The following AKT3 variants were observed in gnomAD, a reference collection of about 807,000 sequenced individuals.
The protein encoded by AKT3 is RAC-gamma serine/threonine-protein kinase.
Under a neutral mutation model 65.3 loss-of-function variants are expected in AKT3, and 15 were observed. The ratio of observed to expected loss-of-function variants is 0.23; its 90% CI spans 0.15 to 0.35. AKT3 has a LOEUF of 0.35. Among genes scored for constraint, AKT3 ranks in the 10% least tolerant of loss-of-function variants. The pLI, the probability that AKT3 is intolerant of heterozygous loss-of-function variation, is 1.00. For missense variants in AKT3, 243 were observed against 576.5 expected (o/e 0.42, Z 5.92); for synonymous variants, 206 against 183.8 (o/e 1.12, Z -0.98).
intron 2 of AKT3, among the ~76,000 whole-genome samples, chr1:243,718,023 AAG>A (rs1177458743): frequency 6.6e-6 from 1 of 152,238 alleles, no homozygotes; most frequent in African/African-American, 2.4e-5. Flanking sequence ...GTATGCAAAT[AAG>A]AGTAAGGTCA....
At chr1:243,763,342 A>G (rs1032491518) in intron 2 of AKT3, among the ~76,000 whole-genome samples, 3 of 152,106 alleles carry the variant, frequency 2.0e-5, no homozygotes, top group Non-Finnish European at 4.4e-5. Context: ...TTAAAATCCT[A>G]TCATAACTAT....
At chr1:243,767,603 C>T (rs114700727) in intron 2 of AKT3, among the ~76,000 whole-genome samples, 6 of 151,780 alleles carry the variant, frequency 4.0e-5, no homozygotes, top group African/African-American at 1.2e-4. Flanking sequence ...TAAAAAAATA[C>T]CCAATAGTAT....
chr1:243,728,039 A>G (rs1687321382), intron 2 of AKT3, among the ~76,000 whole-genome samples: 1 of 152,196 alleles, frequency 6.6e-6, no homozygotes, highest in South Asian at 2.1e-4. Context: ...ACCACATACA[A>G]CTTGAAGACT....
chr1:243,776,876 A>G (rs532723542), intron 2 of AKT3, among the ~76,000 whole-genome samples: 19 of 152,362 alleles, frequency 1.2e-4, no homozygotes, highest in Admixed American at 3.3e-4. Context: ...ATATCTAATA[A>G]TAATCAAGTA....
chr1:243,559,596 C>G (rs1349076979), intron 10 of AKT3, among the ~76,000 whole-genome samples: 1 of 152,126 alleles, frequency 6.6e-6, no homozygotes, highest in African/African-American at 2.4e-5. Flanking sequence ...TGGCTTTAAA[C>G]TGATTTCTAA....
chr1:243,672,232 C>T (rs1306243462), intron 3 of AKT3, among the ~76,000 whole-genome samples: 1 of 152,078 alleles, frequency 6.6e-6, no homozygotes, highest in Non-Finnish European at 1.5e-5. Context: ...GAATGAGAAG[C>T]TGAAGGGAAA....
At chr1:243,720,946 A>ACTT (rs1686857873) in intron 2 of AKT3, among the ~76,000 whole-genome samples, 1 of 152,134 alleles carries the variant, frequency 6.6e-6, no homozygotes. Flanking sequence ...AAAATATGGC[A>ACTT]CTTCAGCACA....
intron 6 of AKT3, among the ~76,000 whole-genome samples, chr1:243,620,455 ACAATGATTAC>A (rs1251565371): frequency 2.5e-5 from 1 of 40,768 alleles, no homozygotes; most frequent in African/African-American, 3.8e-5. Context: ...TACAAATTAA[ACAATGATTAC>A]CAGTGATTAT....
chr1:243,517,932 A>G (rs1371955154), intron 12 of AKT3, among the ~76,000 whole-genome samples: 1 of 152,248 alleles, frequency 6.6e-6, no homozygotes, highest in African/African-American at 2.4e-5. Flanking sequence ...GCATTCAACA[A>G]TATTTGCGGA....
intron 2 of AKT3, among the ~76,000 whole-genome samples, chr1:243,701,399 T>C (rs114274613): frequency 6.6e-6 from 1 of 152,182 alleles, no homozygotes; most frequent in Non-Finnish European, 1.5e-5. Flanking sequence ...TGAAGTGAGC[T>C]GGGTACTGGT....
intron 10 of AKT3, among the ~76,000 whole-genome samples, chr1:243,554,885 C>T (rs768018939): frequency 2.0e-4 from 30 of 151,786 alleles, no homozygotes; most frequent in Non-Finnish European, 3.1e-4. Flanking sequence ...GCAAAACTGG[C>T]AATCCTTTAT....
chr1:243,642,500 G>T (rs186283985), intron 5 of AKT3, among the ~76,000 whole-genome samples: 5 of 152,024 alleles, frequency 3.3e-5, no homozygotes, highest in East Asian at 1.9e-4. Context: ...TAGTAGAGAC[G>T]GGGTTTCACC....
At chr1:243,554,383 T>C (rs1234590834) in intron 10 of AKT3, among the ~76,000 whole-genome samples, 1 of 152,132 alleles carries the variant, frequency 6.6e-6, no homozygotes, top group Admixed American at 6.6e-5. Context: ...GTTTTGTAAA[T>C]CACAAACTAA....
At chr1:243,664,661 G>A (rs1682644660) in intron 4 of AKT3, 111 bp downstream of exon 4, 1 of 356,804 alleles carries the variant, frequency 2.8e-6, no homozygotes, top group East Asian at 5.4e-5. Flanking sequence ...AGAGACTATA[G>A]CATTTAAAAA....
chr1:243,550,789 CAA>C (rs60834632), intron 11 of AKT3, among the ~76,000 whole-genome samples: 10 of 33,682 alleles, frequency 3.0e-4, no homozygotes, highest in African/African-American at 8.1e-4. Context: ...ACTAAAATAC[CAA>C]AAAAAAAAAA....
intron 3 of AKT3, among the ~76,000 whole-genome samples, chr1:243,688,616 G>GT (rs1480070854): frequency 6.6e-6 from 1 of 152,140 alleles, no homozygotes; most frequent in Non-Finnish European, 1.5e-5. Flanking sequence ...GATGGTAGCA[G>GT]TAAGACTGAA....
intron 2 of AKT3, among the ~76,000 whole-genome samples, chr1:243,827,731 T>C (rs546448799): frequency 6.6e-6 from 1 of 152,268 alleles, no homozygotes; most frequent in African/African-American, 2.4e-5. Flanking sequence ...TAAGAAAAAG[T>C]GTTGAAAAAT....
intron 3 of AKT3, among the ~76,000 whole-genome samples, chr1:243,686,338 T>C (rs1008167564): frequency 6.6e-6 from 1 of 151,930 alleles, no homozygotes; most frequent in African/African-American, 2.4e-5. Flanking sequence ...TGTTTAGTCA[T>C]TAAGAAAGAA....
In AKT3 at chr1:243,807,197, G is replaced by A. The variant is rs541894854; in HGVS notation, c.46+35928C>T. Among the ~76,000 whole-genome samples, 9 of 152,294 alleles carry A rather than the reference G, an allele frequency of 5.9e-5. No individual in the cohort carries two copies. In the South Asian group the frequency reaches 1.9e-3, roughly 32 times the overall value. ...GTCGGACAGTGGGTGCAGGACAGGGGGTGCAGTGCACCAAGCGTGAGCCAA... is the reference window on the plus strand; with the variant it reads ...GTCGGACAGTGGGTGCAGGACAGGGAGTGCAGTGCACCAAGCGTGAGCCAA... On this transcript the variant is annotated intron_variant, in intron 2 of 13. Transcript: ENST00000673466.
Sources: gnomAD v4.1 joint callset for allele counts (sites outside exome capture counted in the v4.1 genomes callset) on GRCh38, gnomAD v4.1.1 for gene constraint, MANE v1.5 for transcripts, NCBI Gene and HGNC (gene_info 2026-07-23, HGNC 2026-07-21) for gene names.